Variants in CENPC observed in about 807,000 individuals in gnomAD.
The protein encoded by CENPC is centromere protein C.
CENPC carries 63 observed loss-of-function variants against 112.1 expected under a neutral mutation model. The ratio of observed to expected loss-of-function variants is 0.56; its 90% CI spans 0.46 to 0.69. The LOEUF (loss-of-function observed/expected upper bound fraction) is 0.69. CENPC is among the 30% of genes least tolerant of loss of function. CENPC has a pLI of 0.00. For missense variants in CENPC, 1,000 were observed against 1,103.8 expected, an observed-to-expected ratio of 0.91 and a Z score of 1.33; for synonymous variants, 333 against 367.6, an observed-to-expected ratio of 0.91 and a Z score of 1.08.
At chr4:67,516,278 C>T (rs952124656) in intron 7 of CENPC, among the ~76,000 whole-genome samples, 1 of 151,846 alleles carries the variant, frequency 6.6e-6, no homozygotes, top group African/African-American at 2.4e-5. Flanking sequence ...TTTACATTTC[C>T]CTGATTGTTT....
intron 2 of CENPC, 72 bp downstream of exon 2, chr4:67,544,077 T>C: frequency 2.5e-6 from 2 of 793,064 alleles, no homozygotes; most frequent in Non-Finnish European, 2.2e-6. Flanking sequence ...TGATAGTTTT[T>C]CCTTTCTTCA....
Position 67,545,417 on chromosome 4 carries a change from C to A in CENPC, c.-62G>T. 6.9e-7 allele frequency: 1 copy of A among 1,443,334 alleles called. No homozygotes were observed. The highest frequency in any genetic ancestry group is 1.4e-5 in the South Asian group (1 of 72,266). The allele number at this position is 1,443,334 out of a possible 1,614,324, so 89.4% of individuals were successfully genotyped here. On this transcript the variant is annotated 5_prime_UTR_variant, in exon 1 of 19. Transcript: ENST00000273853. ...TGGAAGCCCACACGGACCACAGCTC[C>A]AGGAAGCCGAGCAAGAAACGAATCG...
At chr4:67,513,524 A>C (rs547248063) in intron 8 of CENPC, among the ~76,000 whole-genome samples, 1 of 152,304 alleles carries the variant, frequency 6.6e-6, no homozygotes, top group African/African-American at 2.4e-5. Flanking sequence ...AATTATGGAT[A>C]AATCAAAATT....
Position 67,518,221 on chromosome 4 carries a change from T to G in CENPC, c.765A>C (p.Gln255His), listed in dbSNP as rs747745132. The change falls in exon 7 of 19, where the codon CAA becomes CAC. Residue 255 changes from glutamine to histidine, a missense_variant. Gln to His is a conservative substitution (Grantham distance 24). Transcript: ENST00000273853. ...NRIRDSEYEI[Q>H]RQAKKSFSTL... Reference sequence around the variant, plus strand: ...TTGAAAAACTTTTTTTAGCTTGTCGTTGAATTTCATATTCTGAATCTCGTA... The same window carrying G: ...TTGAAAAACTTTTTTTAGCTTGTCGGTGAATTTCATATTCTGAATCTCGTA... 4 of 1,558,588 alleles carry G rather than the reference T, an allele frequency of 2.6e-6. No homozygotes were observed. In the East Asian group the frequency reaches 9.3e-5, roughly 36 times the overall value.
rs931507911 is a variant in CENPC, at chr4:67,468,771, T to C, written c.*3834A>G. ...AATTTACACAAAAACCTGTAGGAAG[T>C]GTTCACTTCATCTTTATTTGTGGTA... is the stretch of plus-strand genomic sequence containing the variant. On this transcript the variant is annotated 3_prime_UTR_variant, in exon 19 of 19. Transcript: ENST00000273853. 6.6e-6 allele frequency: 1 copy of C among 152,240 alleles called. No individual in the cohort carries two copies. Among genetic ancestry groups the C allele is most frequent in the Non-Finnish European group, 1.5e-5 (1 of 68,052 alleles). The allele number at this position is 152,240 out of a possible 1,614,324, so 9.4% of individuals were successfully genotyped here.
At chr4:67,502,447 T>C (rs1206758785) in intron 12 of CENPC, among the ~76,000 whole-genome samples, 1 of 152,084 alleles carries the variant, frequency 6.6e-6, no homozygotes, top group Non-Finnish European at 1.5e-5. Context: ...AATACTAATA[T>C]TAGACAAAAC....
intron 12 of CENPC, among the ~76,000 whole-genome samples, chr4:67,501,938 A>G (rs915528245): frequency 3.6e-4 from 9 of 25,336 alleles, no homozygotes; most frequent in African/African-American, 7.3e-4. Flanking sequence ...TTCAAAATAA[A>G]TTATTTTTTA....
intron 13 of CENPC, 41 bp from the exon 14 acceptor site, chr4:67,494,029 A>C: frequency 7.8e-7 from 1 of 1,288,158 alleles, no homozygotes; most frequent in Non-Finnish European, 1.1e-6. Context: ...CATAGTTTTT[A>C]GTTGATGGTA....
intron 4 of CENPC, among the ~76,000 whole-genome samples, chr4:67,534,869 T>C (rs1378804593): frequency 6.6e-6 from 1 of 152,098 alleles, no homozygotes; most frequent in Non-Finnish European, 1.5e-5. Flanking sequence ...GGCGAGGTAA[T>C]GAGCAAAGTA....
chr4:67,495,941 C>G (rs950252264), intron 12 of CENPC, among the ~76,000 whole-genome samples: 2 of 152,200 alleles, frequency 1.3e-5, no homozygotes, highest in East Asian at 3.8e-4. Flanking sequence ...GTCTCGTTCC[C>G]TTCTCCTTCA....
At chr4:67,488,166 C>G (rs535656761) in intron 17 of CENPC, among the ~76,000 whole-genome samples, 1 of 151,822 alleles carries the variant, frequency 6.6e-6, no homozygotes, top group East Asian at 1.9e-4. Context: ...GAACTTTTAT[C>G]TTGCATATTT....
At chr4:67,526,097 A>G (rs986394327) in intron 5 of CENPC, among the ~76,000 whole-genome samples, 4 of 152,276 alleles carry the variant, frequency 2.6e-5, no homozygotes, top group African/African-American at 9.6e-5. Flanking sequence ...GTTCTCACTC[A>G]TAAGTGGGAG....
At chr4:67,491,504 GAGAGAGA>G (rs1725273477) in intron 16 of CENPC, among the ~76,000 whole-genome samples, 1 of 135,398 alleles carries the variant, frequency 7.4e-6, no homozygotes. Context: ...GAGAGAGAGA[GAGAGAGA>G]GAGAGAGAGA....
chr4:67,506,677 A>T, intron 11 of CENPC, 111 bp downstream of exon 11: 1 of 894,594 alleles, frequency 1.1e-6, no homozygotes, highest in Non-Finnish European at 1.6e-6. Context: ...ACTATGAAAC[A>T]ATAAGTGTTT....
chr4:67,474,064 T>C (rs575290516), intron 18 of CENPC, among the ~76,000 whole-genome samples: 1 of 73,588 alleles, frequency 1.4e-5, no homozygotes, highest in South Asian at 7.1e-4. Context: ...ACTATATACA[T>C]AAATGTATTT....
At chr4:67,502,111 G>A (rs1007437977) in intron 12 of CENPC, among the ~76,000 whole-genome samples, 23 of 151,764 alleles carry the variant, frequency 1.5e-4, no homozygotes, top group South Asian at 8.3e-4. Flanking sequence ...ATAGCAATAC[G>A]GTGATAGTTT....
intron 5 of CENPC, among the ~76,000 whole-genome samples, chr4:67,527,091 C>G (rs1352232503): frequency 6.6e-6 from 1 of 151,940 alleles, no homozygotes. Flanking sequence ...GAAATGAACA[C>G]AAAACATGAG....
chr4:67,478,657 C>T (rs1205848959), intron 17 of CENPC, among the ~76,000 whole-genome samples: 1 of 151,430 alleles, frequency 6.6e-6, no homozygotes, highest in African/African-American at 2.4e-5. Context: ...CACACACACA[C>T]ACACACACAC....
chr4:67,474,917 C>G lies in CENPC; in HGVS notation c.2732G>C (p.Ser911Thr). Residue 911 changes from serine to threonine, a missense_variant, in exon 18 of 19, where the codon AGT (serine) becomes ACT (threonine). Coordinates refer to ENST00000273853, the MANE Select transcript of CENPC (RefSeq NM_001812.4). The part of the protein sequence containing the change: ...CTLHETPYIL[S>T]TGDSFYVPSG... ...AGGAACATAGAACGAATCCCCAGTA[C>G]TTAATATATAAGGTGTTTCATGTAA... 1.3e-6 allele frequency: 2 copies of G among 1,583,110 alleles called. No individual in the cohort carries two copies. Among genetic ancestry groups the G allele is most frequent in the Non-Finnish European group, 1.7e-6 (2 of 1,160,252 alleles).
Sources: allele counts gnomAD v4.1 joint callset (sites outside exome capture counted in the v4.1 genomes callset), GRCh38; gene constraint gnomAD v4.1.1; transcripts MANE v1.5; gene names NCBI Gene and HGNC (gene_info 2026-07-23, HGNC 2026-07-21).